The following MAGI3 variants were observed in gnomAD, a reference collection of about 807,000 sequenced individuals.
MAGI3 encodes membrane-associated guanylate kinase, WW and PDZ domain-containing protein 3.
Under a neutral mutation model 121.8 loss-of-function variants are expected in MAGI3, and 43 were observed. That is an observed-to-expected ratio of 0.35 (90% CI 0.28 to 0.46). The LOEUF is 0.46. Ranked by LOEUF, MAGI3 falls within the 20% of genes least tolerant of loss-of-function variation. MAGI3 has a pLI of 1.00. For missense variants in MAGI3, 1,547 were observed against 1,797.3 expected, an observed-to-expected ratio of 0.86 and a Z score of 2.52; for synonymous variants, 553 against 639.3, an observed-to-expected ratio of 0.86 and a Z score of 2.04.
chr1:113,589,110 G>A (rs963298860), intron 4 of MAGI3, among the ~76,000 whole-genome samples: 1 of 152,028 alleles, frequency 6.6e-6, no homozygotes, highest in Admixed American at 6.6e-5. Context: ...GAGTCAATGG[G>A]CACAGTTTCT....
At chr1:113,472,723 A>T (rs907518839) in intron 1 of MAGI3, among the ~76,000 whole-genome samples, 18 of 127,754 alleles carry the variant, frequency 1.4e-4, no homozygotes, top group African/African-American at 5.1e-4. Flanking sequence ...GATATTGTGT[A>T]TCTACTACAG....
chr1:113,594,431 T>C (rs547349403), intron 5 of MAGI3, 50 bp from the exon 6 acceptor site: 1 of 1,427,800 alleles, frequency 7.0e-7, no homozygotes, highest in Non-Finnish European at 9.7e-7. Flanking sequence ...TTTGAAATAA[T>C]TTTCTCCTCC....
At chr1:113,583,582 C>A (rs1400401391) in intron 3 of MAGI3, among the ~76,000 whole-genome samples, 1 of 151,906 alleles carries the variant, frequency 6.6e-6, no homozygotes, top group African/African-American at 2.4e-5. Flanking sequence ...ATGGTATATC[C>A]AGTTTCCTTG....
At chr1:113,431,086 G>A (rs1375426854) in intron 1 of MAGI3, among the ~76,000 whole-genome samples, 1 of 152,154 alleles carries the variant, frequency 6.6e-6, no homozygotes, top group Non-Finnish European at 1.5e-5. Flanking sequence ...GACCTAGTAG[G>A]TAACCTGGAA....
At chr1:113,608,797 TC>T (rs1196903729) in intron 6 of MAGI3, among the ~76,000 whole-genome samples, 3 of 152,144 alleles carry the variant, frequency 2.0e-5, no homozygotes, top group Non-Finnish European at 4.4e-5. Context: ...GATGAACATT[TC>T]CCCCTAATGC....
At chr1:113,419,018 CTAAA>C (rs1652598588) in intron 1 of MAGI3, among the ~76,000 whole-genome samples, 1 of 152,080 alleles carries the variant, frequency 6.6e-6, no homozygotes, top group Non-Finnish European at 1.5e-5. Flanking sequence ...TATTATATAA[CTAAA>C]TATTTTGTAA....
chr1:113,406,265 C>T (rs1651674402), intron 1 of MAGI3, among the ~76,000 whole-genome samples: 1 of 147,356 alleles, frequency 6.8e-6, no homozygotes, highest in African/African-American at 2.5e-5. Context: ...CACAGTGAGA[C>T]CTTTTGTCTA....
At chr1:113,424,860 G>A (rs1281133102) in intron 1 of MAGI3, among the ~76,000 whole-genome samples, 1 of 152,196 alleles carries the variant, frequency 6.6e-6, no homozygotes, top group African/African-American at 2.4e-5. Flanking sequence ...GGGACCAGGT[G>A]TGGTGGCTCA....
chr1:113,459,899 ACTC>A (rs1473037833), intron 1 of MAGI3, among the ~76,000 whole-genome samples: 2 of 152,134 alleles, frequency 1.3e-5, no homozygotes, highest in Non-Finnish European at 2.9e-5. Flanking sequence ...AAGAGAAAGG[ACTC>A]CTCCACAACT....
chr1:113,646,414 G>C, intron 11 of MAGI3, 72 bp from the exon 12 acceptor site: 1 of 1,259,464 alleles, frequency 7.9e-7, no homozygotes, highest in Non-Finnish European at 1.1e-6. Context: ...ATCCATTTCA[G>C]ATATCAGTTT....
At chr1:113,577,462 T>C (rs1209799875) in intron 2 of MAGI3, among the ~76,000 whole-genome samples, 1 of 151,250 alleles carries the variant, frequency 6.6e-6, no homozygotes. Context: ...AGGAGAAATG[T>C]GGTGAGAAGT....
At chr1:113,619,513 A>G (rs765712933) in intron 7 of MAGI3, among the ~76,000 whole-genome samples, 6 of 152,206 alleles carry the variant, frequency 3.9e-5, no homozygotes, top group Non-Finnish European at 7.3e-5. Flanking sequence ...AAGAAGCTAT[A>G]GTAAATATAA....
intron 1 of MAGI3, among the ~76,000 whole-genome samples, chr1:113,401,997 A>G (rs1196489093): frequency 1.3e-5 from 2 of 152,174 alleles, no homozygotes; most frequent in Non-Finnish European, 2.9e-5. Flanking sequence ...AGTGGAAGGA[A>G]ACACAGCAAT....
At chr1:113,682,578 C>G in intron 20 of MAGI3, 1 of 1,219,226 alleles carries the variant, frequency 8.2e-7, no homozygotes, top group Non-Finnish European at 1.0e-6. Context: ...TAATTTGGTT[C>G]AGCTTTATAA....
At chr1:113,415,401 T>C (rs1344656112) in intron 1 of MAGI3, among the ~76,000 whole-genome samples, 1 of 152,014 alleles carries the variant, frequency 6.6e-6, no homozygotes, top group Non-Finnish European at 1.5e-5. Flanking sequence ...CTAACACTAA[T>C]TGGCTATTTT....
chr1:113,598,150 T>C lies in MAGI3; in HGVS notation c.1018+3590T>C, dbSNP rs1209049967. ...TTGCTTAAACCCAGGAGGTGGAGGT[T>C]GCAGTTAGCCAAGATTGCACCACTG... On this transcript the variant is annotated intron_variant, in intron 6 of 20. Transcript: ENST00000307546. Among the ~76,000 whole-genome samples, 6 of 152,112 alleles carry C rather than the reference T, an allele frequency of 3.9e-5. No individual in the cohort carries two copies. The South Asian group carries it at 1.0e-3, about 26-fold the overall frequency.
chr1:113,643,870 C>A, intron 11 of MAGI3, 96 bp downstream of exon 11: 1 of 1,285,922 alleles, frequency 7.8e-7, no homozygotes, highest in Non-Finnish European at 1.1e-6. Context: ...TGATGATTAT[C>A]GACTGGGAGA....
chr1:113,452,455 TACACACACAC>T (rs4026203), intron 1 of MAGI3, among the ~76,000 whole-genome samples: 11 of 147,108 alleles, frequency 7.5e-5, no homozygotes, highest in South Asian at 2.2e-4. Context: ...TGCATAGACA[TACACACACAC>T]ACACACACAC....
chr1:113,416,137 T>C (rs553584956), intron 1 of MAGI3, among the ~76,000 whole-genome samples: 1,088 of 21,196 alleles, frequency 0.051, 28 homozygotes, highest in East Asian at 0.26. Flanking sequence ...TGACACATAT[T>C]AATTATGTAA....
Sources: allele counts gnomAD v4.1 joint callset (sites outside exome capture counted in the v4.1 genomes callset), GRCh38; gene constraint gnomAD v4.1.1; transcripts MANE v1.5; gene names NCBI Gene and HGNC (gene_info 2026-07-23, HGNC 2026-07-21).